Variants in CHST9 observed in about 807,000 individuals in gnomAD.
The protein encoded by CHST9 is GalNAc-4-sulfotransferase 2.
A neutral mutation model predicts 44.4 loss-of-function variants in CHST9; 41 were observed. That is an observed-to-expected ratio of 0.92 (90% CI 0.72 to 1.20). The LOEUF (loss-of-function observed/expected upper bound fraction) is 1.20, where lower values mean the gene tolerates loss of function less well. Among genes scored for constraint, CHST9 ranks in the 50% most tolerant of loss-of-function variants. The pLI, the probability that CHST9 is intolerant of heterozygous loss-of-function variation, is 0.00. For missense variants in CHST9, 504 were observed against 516.5 expected (o/e 0.98, Z 0.23); for synonymous variants, 171 against 178.4 (o/e 0.96, Z 0.33).
intron 5 of CHST9, among the ~76,000 whole-genome samples, chr18:26,925,622 G>A (rs2055751972): frequency 6.6e-6 from 1 of 152,212 alleles, no homozygotes; most frequent in African/African-American, 2.4e-5. Context: ...GACAGAACTG[G>A]TTATGTGTCT....
At position 26,921,920 on chromosome 18, in the gene CHST9, G is replaced by T. The variant is rs1440775041; in HGVS notation, c.241-4570C>A. ...GCTTTAACAATGGGAAAGTAAATTGGCTATTTTACATCTCATAATACTTCT... is the reference window on the plus strand; with the variant it reads ...GCTTTAACAATGGGAAAGTAAATTGTCTATTTTACATCTCATAATACTTCT... On this transcript the variant is annotated intron_variant, in intron 5 of 5. Transcript: ENST00000618847. 2.6e-5 allele frequency among the ~76,000 whole-genome samples: 4 copies of T among 152,176 alleles called. No homozygotes were observed. The East Asian group carries it at 7.7e-4, about 29-fold the overall frequency.
At chr18:26,921,347 A>G (rs1284399896) in intron 5 of CHST9, among the ~76,000 whole-genome samples, 1 of 152,168 alleles carries the variant, frequency 6.6e-6, no homozygotes, top group Non-Finnish European at 1.5e-5. Context: ...TCACCACTCA[A>G]TATAAATTAG....
intron 5 of CHST9, among the ~76,000 whole-genome samples, chr18:26,924,264 C>T (rs1363696861): frequency 6.6e-6 from 1 of 152,012 alleles, no homozygotes; most frequent in African/African-American, 2.4e-5. Flanking sequence ...TGCTCAGATT[C>T]GAAGCATAAG....
At chr18:27,153,913 G>A (rs1435419444) in intron 1 of CHST9, among the ~76,000 whole-genome samples, 1 of 152,238 alleles carries the variant, frequency 6.6e-6, no homozygotes, top group Non-Finnish European at 1.5e-5. Context: ...GAATAAGAAA[G>A]CATGTAGTTC....
chr18:26,984,774 T>C (rs1331263807), intron 4 of CHST9, among the ~76,000 whole-genome samples: 2 of 150,286 alleles, frequency 1.3e-5, no homozygotes, highest in East Asian at 1.9e-4. Flanking sequence ...AATCCTTCAT[T>C]AGTCATGAGG....
At position 26,916,730 on chromosome 18, in the gene CHST9, T is replaced by C. The variant is rs757126816; in HGVS notation, c.861A>G (p.Val287=). 1.2e-5 allele frequency: 19 copies of C among 1,613,952 alleles called. No homozygotes were observed. Among genetic ancestry groups the C allele is most frequent in the Non-Finnish European group, 8.5e-6 (10 of 1,179,852 alleles). The change falls in exon 6 of 6, where the codon GTA becomes GTG. Residue 287 remains valine (V), a synonymous_variant. Coordinates refer to ENST00000618847, the MANE Select transcript of CHST9 (RefSeq NM_031422.6). The stretch of plus-strand genomic sequence containing the variant: ...GTTCAAATTTGTCCCTAAAGGCTGA[T>C]ACTAATCTTTCCATGGGATCACGAA... ...VFVRDPMERL[V]SAFRDKFEHP...
intron 2 of CHST9, among the ~76,000 whole-genome samples, chr18:27,087,210 T>A (rs1474666165): frequency 1.3e-5 from 2 of 152,166 alleles, no homozygotes; most frequent in African/African-American, 4.8e-5. Context: ...GAGCCCCTTC[T>A]AAAAATTTAT....
At chr18:27,070,282 A>T (rs2057824736) in intron 2 of CHST9, among the ~76,000 whole-genome samples, 1 of 152,208 alleles carries the variant, frequency 6.6e-6, no homozygotes, top group African/African-American at 2.4e-5. Context: ...AATGCTCTTT[A>T]TAAAATTCTT....
chr18:27,155,389 T>C (rs947793549), intron 1 of CHST9, among the ~76,000 whole-genome samples: 7 of 152,202 alleles, frequency 4.6e-5, no homozygotes, highest in Admixed American at 4.6e-4. Context: ...ATTCTTTCCA[T>C]TCATGCCAAT....
rs1275885142 is a variant in CHST9, at chr18:26,913,421, A to C, written c.*2838T>G. 2 of 152,210 alleles carry C rather than the reference A, an allele frequency of 1.3e-5. No homozygotes were observed. Among genetic ancestry groups the C allele is most frequent in the Non-Finnish European group, 2.9e-5 (2 of 68,046 alleles). 9.4% of individuals were successfully genotyped at this position (152,210 alleles called of 1,614,324 possible). On this transcript the variant is annotated 3_prime_UTR_variant, in exon 6 of 6. Coordinates refer to ENST00000618847, the MANE Select transcript of CHST9 (RefSeq NM_031422.6). ...TGTACATACATTTCCATTGAAGTTT[A>C]TGGCAGTTTCTGGGCACAATCACAT...
chr18:27,158,393 T>G (rs529031231), intron 1 of CHST9, among the ~76,000 whole-genome samples: 35 of 152,082 alleles, frequency 2.3e-4, no homozygotes, highest in African/African-American at 8.2e-4. Context: ...CTGAGAATGA[T>G]GGTTTTCAGC....
intron 1 of CHST9, among the ~76,000 whole-genome samples, chr18:27,172,977 G>T (rs1291901159): frequency 1.3e-5 from 2 of 151,928 alleles, no homozygotes; most frequent in African/African-American, 4.8e-5. Context: ...TATCATCTTA[G>T]CACCATGCAA....
At chr18:27,038,111 T>C (rs2143520516) in intron 3 of CHST9, among the ~76,000 whole-genome samples, 1 of 152,346 alleles carries the variant, frequency 6.6e-6, no homozygotes, top group South Asian at 2.1e-4. Context: ...ATTATCTCTC[T>C]TTTTATTCTC....
intron 5 of CHST9, among the ~76,000 whole-genome samples, chr18:26,923,981 T>A (rs538578874): frequency 2.6e-5 from 4 of 152,190 alleles, no homozygotes; most frequent in Non-Finnish European, 5.9e-5. Flanking sequence ...CAGACTCAGA[T>A]GACAGGGAGA....
intron 4 of CHST9, among the ~76,000 whole-genome samples, chr18:27,003,786 A>G (rs1222075254): frequency 2.6e-5 from 4 of 152,102 alleles, no homozygotes; most frequent in Non-Finnish European, 5.9e-5. Context: ...TATACTTTTC[A>G]CTTTTCAATC....
chr18:26,996,399 C>G (rs949328739), intron 4 of CHST9, among the ~76,000 whole-genome samples: 7 of 152,098 alleles, frequency 4.6e-5, no homozygotes, highest in African/African-American at 1.7e-4. Context: ...GGGAGCGGAT[C>G]CCTCATGAAT....
intron 5 of CHST9, among the ~76,000 whole-genome samples, chr18:26,929,092 T>A (rs232342): frequency 0.43 from 65,221 of 151,998 alleles, 14,434 homozygotes; most frequent in East Asian, 0.71. Flanking sequence ...CTTCCTATAC[T>A]CACTCTTCCT....
At chr18:26,994,237 T>C (rs1412180834) in intron 4 of CHST9, among the ~76,000 whole-genome samples, 1 of 152,220 alleles carries the variant, frequency 6.6e-6, no homozygotes, top group East Asian at 1.9e-4. Flanking sequence ...TCCGAAAAGA[T>C]TTTACACATC....
intron 2 of CHST9, among the ~76,000 whole-genome samples, chr18:27,089,101 A>G (rs2058041328): frequency 6.6e-6 from 1 of 152,208 alleles, no homozygotes; most frequent in African/African-American, 2.4e-5. Flanking sequence ...TGTAATTGTT[A>G]ATGAAGCTCT....
Sources: allele counts gnomAD v4.1 joint callset (sites outside exome capture counted in the v4.1 genomes callset), GRCh38; gene constraint gnomAD v4.1.1; transcripts MANE v1.5; gene names NCBI Gene and HGNC (gene_info 2026-07-23, HGNC 2026-07-21).